OSBPL10: variants seen among roughly 807,000 people sequenced by gnomAD.
OSBPL10 encodes oxysterol binding protein like 10, also known as oxysterol-binding protein-related protein 10.
Under a neutral mutation model 81.7 loss-of-function variants are expected in OSBPL10, and 49 were observed. The observed-to-expected ratio is 0.60, with a 90% CI of 0.48 to 0.76. The LOEUF (loss-of-function observed/expected upper bound fraction) is 0.76. Ranked by LOEUF, OSBPL10 falls within the 30% of genes least tolerant of loss-of-function variation. OSBPL10 has a pLI of 0.00. For missense variants in OSBPL10, 923 were observed against 987.8 expected (o/e 0.93, Z 0.88); for synonymous variants, 419 against 383.6 (o/e 1.09, Z -1.08).
chr3:31,988,371 T>G (rs1477705557), intron 2 of OSBPL10, among the ~76,000 whole-genome samples: 1 of 151,536 alleles, frequency 6.6e-6, no homozygotes, highest in Non-Finnish European at 1.5e-5. Flanking sequence ...CACTGAGGAG[T>G]AGGATGAGTG....
At chr3:31,703,965 G>C (rs1395078111) in intron 6 of OSBPL10, 1 of 152,312 alleles carries the variant, frequency 6.6e-6, no homozygotes, top group Middle Eastern at 3.4e-3. Flanking sequence ...CTGAGAGGAA[G>C]AGCCAGAGAG....
At chr3:31,855,173 T>TGCCA (rs1490456923) in intron 3 of OSBPL10, among the ~76,000 whole-genome samples, 1 of 149,952 alleles carries the variant, frequency 6.7e-6, no homozygotes, top group Non-Finnish European at 1.5e-5. Context: ...CTAAAGCATG[T>TGCCA]GCCACCCTGG....
At chr3:31,676,739 A>AGG (rs1700486746) in intron 8 of OSBPL10, among the ~76,000 whole-genome samples, 1 of 152,226 alleles carries the variant, frequency 6.6e-6, no homozygotes, top group South Asian at 2.1e-4. Flanking sequence ...TGCACCATTT[A>AGG]CCAGGCATTG....
In OSBPL10 at chr3:31,870,316, G is replaced by A. The variant is rs1047581933; in HGVS notation, c.537+6117C>T. Among the ~76,000 whole-genome samples the A allele has an allele frequency of 1.7e-4, 26 of 152,342 alleles. No individual in the cohort carries two copies. In the South Asian group the frequency reaches 3.1e-3, roughly 18 times the overall value. On this transcript the variant is annotated intron_variant, in intron 3 of 11. Coordinates refer to ENST00000396556, the MANE Select transcript of OSBPL10 (RefSeq NM_017784.5). Reference sequence around the variant, plus strand: ...CCCCCAGCAGTCCCGGCCCACTGGCGCTGCCCTCGATTTCTCACTGGGCCT... The same window carrying A: ...CCCCCAGCAGTCCCGGCCCACTGGCACTGCCCTCGATTTCTCACTGGGCCT...
At chr3:32,049,131 A>T (rs1699649760) in intron 1 of OSBPL10, among the ~76,000 whole-genome samples, 1 of 152,218 alleles carries the variant, frequency 6.6e-6, no homozygotes, top group African/African-American at 2.4e-5. Context: ...TAGTCAAGAA[A>T]TAACTATAAG....
chr3:31,673,701 G>C (rs1473277841), intron 8 of OSBPL10, among the ~76,000 whole-genome samples: 1 of 152,224 alleles, frequency 6.6e-6, no homozygotes, highest in African/African-American at 2.4e-5. Flanking sequence ...TGCCAAAGCA[G>C]TAAGTGTTCA....
At chr3:31,963,817 A>T (rs1454534641) in intron 1 of OSBPL10, among the ~76,000 whole-genome samples, 1 of 151,430 alleles carries the variant, frequency 6.6e-6, no homozygotes, top group Non-Finnish European at 1.5e-5. Context: ...CAGCAGCATC[A>T]CCTTCCACAC....
chr3:31,803,197 T>A (rs1699433771), intron 4 of OSBPL10, among the ~76,000 whole-genome samples: 1 of 152,062 alleles, frequency 6.6e-6, no homozygotes, highest in African/African-American at 2.4e-5. Flanking sequence ...CACTTCCACA[T>A]GCCAAGCAAA....
chr3:31,917,359 T>A (rs1184164751), intron 1 of OSBPL10, among the ~76,000 whole-genome samples: 1 of 152,026 alleles, frequency 6.6e-6, no homozygotes, highest in African/African-American at 2.4e-5. Context: ...TTGTGAAAAA[T>A]GAAAAGAATA....
intron 1 of OSBPL10, among the ~76,000 whole-genome samples, chr3:31,921,731 G>A (rs912914498): frequency 6.6e-6 from 1 of 152,144 alleles, no homozygotes; most frequent in Non-Finnish European, 1.5e-5. Flanking sequence ...TTAAACACTA[G>A]GTTGAGCATA....
chr3:31,824,528 G>C (rs116790747), intron 4 of OSBPL10, among the ~76,000 whole-genome samples: 4 of 152,138 alleles, frequency 2.6e-5, no homozygotes, highest in African/African-American at 9.7e-5. Flanking sequence ...CACTGGAAAC[G>C]ATCGCAAGGT....
chr3:31,718,962 A>C (rs1415923967), intron 6 of OSBPL10: 2 of 152,178 alleles, frequency 1.3e-5, no homozygotes, highest in Non-Finnish European at 2.9e-5. Context: ...CATTTCTCTT[A>C]ATAAGAGGAC....
intron 1 of OSBPL10, among the ~76,000 whole-genome samples, chr3:32,056,449 C>G (rs997360520): frequency 1.3e-5 from 2 of 152,180 alleles, no homozygotes; most frequent in Non-Finnish European, 2.9e-5. Context: ...TTGCTTTACT[C>G]TTGTGGAGTA....
At chr3:31,866,255 G>C (rs535959941) in intron 3 of OSBPL10, among the ~76,000 whole-genome samples, 2 of 152,118 alleles carry the variant, frequency 1.3e-5, no homozygotes, top group Admixed American at 6.5e-5. Context: ...TAATTCCCCG[G>C]AAGCAGTCCA....
intron 6 of OSBPL10, among the ~76,000 whole-genome samples, chr3:31,724,860 G>A (rs544903981): frequency 5.1e-4 from 77 of 152,276 alleles, no homozygotes; most frequent in African/African-American, 1.7e-3. Flanking sequence ...AAGACAGACA[G>A]GAGGAGCTCT....
chr3:31,673,349 G>T (rs1227185159), intron 8 of OSBPL10, among the ~76,000 whole-genome samples: 1 of 152,192 alleles, frequency 6.6e-6, no homozygotes, highest in Non-Finnish European at 1.5e-5. Flanking sequence ...GCCTAAAGCA[G>T]GTAGAAAATT....
intron 5 of OSBPL10, among the ~76,000 whole-genome samples, chr3:31,741,136 G>A (rs1378029101): frequency 6.6e-6 from 1 of 152,066 alleles, no homozygotes; most frequent in Non-Finnish European, 1.5e-5. Context: ...TGCTTCCCAG[G>A]TTCAGTAAAC....
chr3:31,821,748 G>A (rs536620835), intron 4 of OSBPL10, among the ~76,000 whole-genome samples: 26 of 152,160 alleles, frequency 1.7e-4, no homozygotes, highest in Non-Finnish European at 3.5e-4. Flanking sequence ...CACACAAAGG[G>A]TAAATTCACT....
intron 9 of OSBPL10, among the ~76,000 whole-genome samples, chr3:31,669,121 G>A (rs1700265865): frequency 6.6e-6 from 1 of 151,972 alleles, no homozygotes; most frequent in Non-Finnish European, 1.5e-5. Context: ...ATGAAAATCA[G>A]GCAATTCAAG....
Sources: gnomAD v4.1 joint callset for allele counts (sites outside exome capture counted in the v4.1 genomes callset) on GRCh38, gnomAD v4.1.1 for gene constraint, MANE v1.5 for transcripts, NCBI Gene and HGNC (gene_info 2026-07-23, HGNC 2026-07-21) for gene names.